Variants in RHPN2 observed in about 807,000 individuals in gnomAD.
RHPN2 encodes the protein rhophilin Rho GTPase binding protein 2.
In RHPN2, 40 loss-of-function variants were observed where a neutral mutation model predicts 79.0. The ratio of observed to expected loss-of-function variants is 0.51; its 90% CI spans 0.39 to 0.66. The LOEUF is 0.66. Among genes scored for constraint, RHPN2 ranks in the 30% least tolerant of loss-of-function variants. RHPN2 has a pLI of 0.00. For missense variants in RHPN2, 686 were observed against 883.5 expected, an observed-to-expected ratio of 0.78 and a Z score of 2.83; for synonymous variants, 285 against 363.5, an observed-to-expected ratio of 0.78 and a Z score of 2.46.
chr19:33,026,538 G>A lies in RHPN2; in HGVS notation c.280C>T (p.Leu94=), dbSNP rs1346622563. The A allele has an allele frequency of 6.2e-7, 1 of 1,608,732 alleles. No homozygotes were observed. The highest frequency in any genetic ancestry group is 8.5e-7 in the Non-Finnish European group (1 of 1,179,770). ...TGATAGACGCCCACCGAGATGTTCA[G>A]CCCCTCCAGCTCTTCCTTGAGCATC... The part of the protein sequence containing the change: ...LQMLKEELEG[L]NISVGVYQNT... Residue 94 remains leucine, a synonymous_variant, in exon 3 of 15, where the codon CTG becomes TTG. Coordinates refer to ENST00000254260, the MANE Select transcript of RHPN2 (RefSeq NM_033103.5).
rs1243047719 is a variant in RHPN2 at position 33,026,523 on chromosome 19, C to T, written c.295G>A (p.Gly99Ser). The T allele has an allele frequency of 1.9e-5, 31 of 1,608,162 alleles. No individual in the cohort carries two copies. The highest frequency in any genetic ancestry group is 2.6e-5 in the Non-Finnish European group (31 of 1,179,718). Residue 99 changes from glycine (G) to serine (S), a missense_variant, in exon 3 of 15, where the codon GGC becomes AGC. Transcript: ENST00000254260. Reference sequence around the variant, plus strand: ...ACTTACTCTGTGTTCTGATAGACGCCCACCGAGATGTTCAGCCCCTCCAGC... The same window carrying T: ...ACTTACTCTGTGTTCTGATAGACGCTCACCGAGATGTTCAGCCCCTCCAGC... Reference protein sequence around the residue: ...EELEGLNISVGVYQNTEEAFT... With the variant: ...EELEGLNISVSVYQNTEEAFT...
chr19:33,026,454 G>T, intron 3 of RHPN2, 50 bp downstream of exon 3: 1 of 1,598,214 alleles, frequency 6.3e-7, no homozygotes. Context: ...CTGGATGTAC[G>T]AAGGATCTCT....
intron 1 of RHPN2, among the ~76,000 whole-genome samples, chr19:33,062,252 G>GGCC (rs1485126222): frequency 1.3e-5 from 2 of 152,146 alleles, no homozygotes; most frequent in Non-Finnish European, 2.9e-5. Context: ...CCTGAGGTCA[G>GGCC]GAGTTCAAGA....
chr19:32,980,376 G>A lies in RHPN2; in HGVS notation c.1801-120C>T, dbSNP rs1971565136. The A allele has an allele frequency of 2.6e-6, 3 of 1,148,676 alleles. No individual in the cohort carries two copies. The Admixed American group carries it at 5.2e-5, about 20-fold the overall frequency. The allele number at this position is 1,148,676 out of a possible 1,614,324, so 71.2% of individuals were successfully genotyped here. Reference sequence around the variant, plus strand: ...TAATCCCAACAGTTTGGGAGGCCGAGGAAGGCGGATCACTTGAGGTCAGGA... The same window carrying A: ...TAATCCCAACAGTTTGGGAGGCCGAAGAAGGCGGATCACTTGAGGTCAGGA... On this transcript the variant is annotated intron_variant, in intron 14 of 14. Transcript: ENST00000254260.
intron 4 of RHPN2, among the ~76,000 whole-genome samples, chr19:33,017,508 C>T (rs767555911): frequency 2.0e-5 from 3 of 152,028 alleles, no homozygotes; most frequent in East Asian, 1.9e-4. Flanking sequence ...AGACCAGTGG[C>T]AAGTCACATC....
At chr19:33,018,987 C>T (rs1304139191) in intron 4 of RHPN2, among the ~76,000 whole-genome samples, 4 of 146,382 alleles carry the variant, frequency 2.7e-5, no homozygotes, top group African/African-American at 5.1e-5. Context: ...GCCGAGATGC[C>T]GTCATTGCCC....
chr19:33,063,758 G>GGCAGAAGCCCGTAGTGTGA (rs148591203), intron 1 of RHPN2, among the ~76,000 whole-genome samples: 1 of 151,204 alleles, frequency 6.6e-6, no homozygotes, highest in South Asian at 2.1e-4. Context: ...TTATCTTCTG[G>GGCAGAAGCCCGTAGTGTGA]GCCCAAGAGC....
Position 32,996,038 on chromosome 19 carries a change from G to C in RHPN2, c.1408C>G (p.Pro470Ala). The C allele has an allele frequency of 6.2e-7, 1 of 1,613,976 alleles. No homozygotes were observed. Among genetic ancestry groups the C allele is most frequent in the East Asian group, 2.2e-5 (1 of 44,868 alleles). ...CTAGGCTACTCACCAACAACACTGG[G>C]GGCGTCGATCAGGTTCAGCAGGTCA... Reference protein sequence around the residue: ...EDDLLNLIDAPSVVAKTEQEV... With the variant: ...EDDLLNLIDAASVVAKTEQEV... The change falls in exon 11 of 15, where the codon CCC (proline) becomes GCC (alanine). Residue 470 changes from proline (P) to alanine (A), a missense_variant. Coordinates refer to ENST00000254260, the MANE Select transcript of RHPN2 (RefSeq NM_033103.5).
intron 14 of RHPN2, among the ~76,000 whole-genome samples, chr19:32,989,824 G>A (rs764224862): frequency 2.0e-5 from 3 of 152,150 alleles, no homozygotes; most frequent in Non-Finnish European, 2.9e-5. Context: ...TAAAGAATAG[G>A]CTGGGCATGG....
chr19:33,029,888 C>T (rs1299085960), intron 2 of RHPN2, among the ~76,000 whole-genome samples: 1 of 152,154 alleles, frequency 6.6e-6, no homozygotes, highest in Non-Finnish European at 1.5e-5. Context: ...TGCTTAACTC[C>T]CCCAGCAAAG....
Position 33,019,712 on chromosome 19 carries a change from C to T in RHPN2, c.390+1859G>A, listed in dbSNP as rs145762287. ...CCAGGAGGCAGGGGTTGCAGTGAGC[C>T]GAGATCATGCCACTGCATGCCAGCC... is the stretch of plus-strand genomic sequence containing the variant. On this transcript the variant is annotated intron_variant, in intron 4 of 14. Coordinates refer to ENST00000254260, the MANE Select transcript of RHPN2 (RefSeq NM_033103.5). 6.9e-3 allele frequency among the ~76,000 whole-genome samples: 1,043 copies of T among 151,616 alleles called. 8 individuals are homozygous for T. The highest frequency in any genetic ancestry group is 0.011 in the Non-Finnish European group (781 of 67,922).
intron 1 of RHPN2, among the ~76,000 whole-genome samples, chr19:33,062,544 T>C (rs1972289235): frequency 6.6e-6 from 1 of 150,418 alleles, no homozygotes; most frequent in South Asian, 2.1e-4. Flanking sequence ...CCATGGCAGG[T>C]GGATCACTTA....
intron 4 of RHPN2, among the ~76,000 whole-genome samples, chr19:33,020,776 C>G (rs1444272985): frequency 6.6e-6 from 1 of 152,160 alleles, no homozygotes; most frequent in African/African-American, 2.4e-5. Context: ...GCTGGGATTA[C>G]AGGCGTGAGC....
intron 2 of RHPN2, among the ~76,000 whole-genome samples, chr19:33,036,723 C>T (rs1434647093): frequency 3.3e-5 from 5 of 152,176 alleles, no homozygotes; most frequent in East Asian, 1.9e-4. Context: ...GGACGGGCCC[C>T]GCACTAGGAG....
intron 1 of RHPN2, among the ~76,000 whole-genome samples, chr19:33,058,613 C>G (rs1249981079): frequency 3.9e-5 from 6 of 152,110 alleles, no homozygotes; most frequent in African/African-American, 1.4e-4. Flanking sequence ...AACCCCAACT[C>G]TACTAAAAAT....
chr19:33,064,854 C>G lies in RHPN2; in HGVS notation c.-2G>C, dbSNP rs550390815. ...CGCGGGCAACAGCGCGTCGGTCATGCTAGCGGCGCGGGCGCGGAGGGCGGA... is the reference window on the plus strand; with the variant it reads ...CGCGGGCAACAGCGCGTCGGTCATGGTAGCGGCGCGGGCGCGGAGGGCGGA... On this transcript the variant is annotated 5_prime_UTR_variant, in exon 1 of 15. Transcript: ENST00000254260. 1 of 1,496,800 alleles carries G rather than the reference C, an allele frequency of 6.7e-7. No individual in the cohort carries two copies. The highest frequency in any genetic ancestry group is 2.7e-5 in the East Asian group (1 of 36,682). The allele number at this position is 1,496,800 out of a possible 1,614,324, so 92.7% of individuals were successfully genotyped here. A position where few individuals can be genotyped will look rare whatever the true frequency, so the allele number is the denominator to read the frequency against.
At chr19:33,036,880 C>CCCCA (rs1555713805) in intron 2 of RHPN2, among the ~76,000 whole-genome samples, 4 of 150,522 alleles carry the variant, frequency 2.7e-5, no homozygotes, top group African/African-American at 7.5e-5. Context: ...GCCCCCCCGC[C>CCCCA]ACCCTCTGTG....
At chr19:32,998,625 G>A (rs1404080860) in intron 10 of RHPN2, among the ~76,000 whole-genome samples, 1 of 151,436 alleles carries the variant, frequency 6.6e-6, no homozygotes, top group African/African-American at 2.4e-5. Context: ...GCAGCCTGGG[G>A]GACAGCAAGA....
chr19:32,981,791 G>A lies in RHPN2; in HGVS notation c.1801-1535C>T, dbSNP rs144034612. ...TTTATCATTTTCAAGTGTAGAGTTCGGTGGCATTAATTACATTCACATCAT... is the reference window on the plus strand; with the variant it reads ...TTTATCATTTTCAAGTGTAGAGTTCAGTGGCATTAATTACATTCACATCAT... On this transcript the variant is annotated intron_variant, in intron 14 of 14. Coordinates refer to ENST00000254260, the MANE Select transcript of RHPN2 (RefSeq NM_033103.5). 3.9e-3 allele frequency among the ~76,000 whole-genome samples: 575 copies of A among 147,496 alleles called. 19 individuals carry two copies. In the East Asian group the frequency reaches 0.09, roughly 23 times the overall value.
Sources: gnomAD v4.1 joint callset for allele counts (sites outside exome capture counted in the v4.1 genomes callset) on GRCh38, gnomAD v4.1.1 for gene constraint, MANE v1.5 for transcripts, NCBI Gene and HGNC (gene_info 2026-07-23, HGNC 2026-07-21) for gene names.